The following RAD51B variants were observed in gnomAD, a reference collection of about 807,000 sequenced individuals.
RAD51B encodes the protein DNA repair protein RAD51 homolog 2.
RAD51B carries 38 observed loss-of-function variants against 42.2 expected under a neutral mutation model. The observed-to-expected ratio is 0.90, with a 90% CI of 0.70 to 1.18. RAD51B has a LOEUF of 1.18. RAD51B is among the 50% of genes most tolerant of loss of function. RAD51B has a pLI of 0.00. For synonymous variants in RAD51B, 154 were observed against 145.2 expected, an observed-to-expected ratio of 1.06 and a Z score of -0.43; for missense variants, 373 against 400.7, an observed-to-expected ratio of 0.93 and a Z score of 0.59.
intron 7 of RAD51B, among the ~76,000 whole-genome samples, chr14:68,211,934 TTACAGTTTGCCTCTGTAAGTAGAA>T (rs1312318632): frequency 5.3e-5 from 8 of 152,260 alleles, no homozygotes; most frequent in African/African-American, 1.9e-4. Flanking sequence ...TGTCTTGTGT[TTACAGTTTGCCTCTGTAAGTAGAA>T]CCCTCTAAAG....
At chr14:68,175,667 C>G (rs147833426) in intron 7 of RAD51B, among the ~76,000 whole-genome samples, 9 of 152,172 alleles carry the variant, frequency 5.9e-5, no homozygotes, top group African/African-American at 1.7e-4. Context: ...TTATGGTGTC[C>G]GTTTAACTTA....
At chr14:68,004,679 C>A (rs1298131233) in intron 7 of RAD51B, among the ~76,000 whole-genome samples, 1 of 152,074 alleles carries the variant, frequency 6.6e-6, no homozygotes, top group Admixed American at 6.6e-5. Context: ...ACAAACTGAA[C>A]AATCTCATGT....
At chr14:68,085,278 A>G (rs956926086) in intron 7 of RAD51B, among the ~76,000 whole-genome samples, 5 of 152,168 alleles carry the variant, frequency 3.3e-5, no homozygotes, top group Admixed American at 2.6e-4. Context: ...ACACAGAGAG[A>G]TTTAGGCTGG....
chr14:67,886,409 C>T (rs1183988050), intron 6 of RAD51B, among the ~76,000 whole-genome samples: 1 of 152,126 alleles, frequency 6.6e-6, no homozygotes, highest in Non-Finnish European at 1.5e-5. Context: ...TTGACTGGAG[C>T]TGGAGTACCT....
At chr14:67,888,737 T>C (rs1039019207) in intron 7 of RAD51B, among the ~76,000 whole-genome samples, 3 of 152,106 alleles carry the variant, frequency 2.0e-5, no homozygotes, top group Admixed American at 2.0e-4. Flanking sequence ...TTATAAGTAA[T>C]GTAAAGTTGA....
chr14:68,369,364 G>A (rs1419237931), intron 8 of RAD51B, among the ~76,000 whole-genome samples: 1 of 152,188 alleles, frequency 6.6e-6, no homozygotes, highest in East Asian at 1.9e-4. Context: ...CTCTTGCACA[G>A]ATTGCGTCCA....
chr14:68,538,504 G>C (rs1173327722), intron 10 of RAD51B, among the ~76,000 whole-genome samples: 1 of 152,146 alleles, frequency 6.6e-6, no homozygotes, highest in Non-Finnish European at 1.5e-5. Context: ...TAGTGAGCTT[G>C]ATTTATACTT....
intron 7 of RAD51B, among the ~76,000 whole-genome samples, chr14:68,179,681 A>G (rs1177238536): frequency 1.3e-5 from 2 of 152,196 alleles, no homozygotes; most frequent in Non-Finnish European, 2.9e-5. Context: ...TTCAAAGAAC[A>G]TCTCTAGTAA....
chr14:68,203,998 C>T (rs1249652451), intron 7 of RAD51B, among the ~76,000 whole-genome samples: 1 of 152,208 alleles, frequency 6.6e-6, no homozygotes, highest in African/African-American at 2.4e-5. Context: ...AAAATTCTCC[C>T]TATGAGCAAT....
At chr14:68,028,080 G>T (rs1180824151) in intron 7 of RAD51B, among the ~76,000 whole-genome samples, 1 of 152,180 alleles carries the variant, frequency 6.6e-6, no homozygotes, top group African/African-American at 2.4e-5. Context: ...CATGGAGTTA[G>T]GGGGGCATAT....
chr14:68,138,746 T>G (rs980220783), intron 7 of RAD51B, among the ~76,000 whole-genome samples: 1 of 152,170 alleles, frequency 6.6e-6, no homozygotes, highest in African/African-American at 2.4e-5. Flanking sequence ...TAAAAAATAG[T>G]CAAGGAAATT....
chr14:68,322,696 T>C (rs923447278), intron 8 of RAD51B, among the ~76,000 whole-genome samples: 3 of 152,150 alleles, frequency 2.0e-5, no homozygotes, highest in African/African-American at 7.2e-5. Flanking sequence ...GCCTCACAGA[T>C]GCACTCTGTG....
chr14:68,114,270 A>C (rs1053743258), intron 7 of RAD51B: 1 of 152,076 alleles, frequency 6.6e-6, no homozygotes, highest in Non-Finnish European at 1.5e-5. Context: ...ACTAGATTAT[A>C]TATATTTTTG....
chr14:68,226,401 C>T (rs1357794744), intron 7 of RAD51B, among the ~76,000 whole-genome samples: 2 of 152,176 alleles, frequency 1.3e-5, no homozygotes, highest in African/African-American at 4.8e-5. Context: ...TTGATTGTGT[C>T]CCCACCCAAA....
chr14:67,947,178 A>G (rs2045424660), intron 7 of RAD51B, among the ~76,000 whole-genome samples: 1 of 152,202 alleles, frequency 6.6e-6, no homozygotes, highest in African/African-American at 2.4e-5. Flanking sequence ...AAACATCTAT[A>G]TTTTATATCC....
chr14:68,671,360 T>G (rs1357079364), intron 11 of RAD51B, among the ~76,000 whole-genome samples: 1 of 152,214 alleles, frequency 6.6e-6, no homozygotes. Context: ...CTACATAATG[T>G]AACCCTATCC....
At chr14:67,863,638 C>G (rs1268434847) in intron 4 of RAD51B, among the ~76,000 whole-genome samples, 1 of 151,814 alleles carries the variant, frequency 6.6e-6, no homozygotes, top group Non-Finnish European at 1.5e-5. Context: ...CCTCTCCTCT[C>G]CCCTTCCTCT....
chr14:68,314,876 C>A (rs12890109), intron 8 of RAD51B, among the ~76,000 whole-genome samples: 77,296 of 151,706 alleles, frequency 0.51, 21,828 homozygotes, highest in South Asian at 0.65. Context: ...GTTGCCAGAA[C>A]CCAGTTGGTT....
At chr14:68,272,959 C>T (rs1474332394) in intron 7 of RAD51B, among the ~76,000 whole-genome samples, 4 of 151,728 alleles carry the variant, frequency 2.6e-5, no homozygotes, top group African/African-American at 7.3e-5. Context: ...GCTGGGATTA[C>T]AGGCGTGAGC....
Sources: gnomAD v4.1 joint callset for allele counts (sites outside exome capture counted in the v4.1 genomes callset) on GRCh38, gnomAD v4.1.1 for gene constraint, MANE v1.5 for transcripts, NCBI Gene and HGNC (gene_info 2026-07-23, HGNC 2026-07-21) for gene names.